Variants in TBXAS1 observed in about 807,000 individuals in gnomAD.
TBXAS1 encodes thromboxane-A synthase.
In TBXAS1, 48 loss-of-function variants were observed where a neutral mutation model predicts 60.7. The ratio of observed to expected loss-of-function variants is 0.79; its 90% confidence interval spans 0.63 to 1.01. The LOEUF (loss-of-function observed/expected upper bound fraction) is 1.01. Ranked by LOEUF, TBXAS1 falls within the 50% of genes least tolerant of loss-of-function variation. TBXAS1 has a pLI of 0.00. For missense variants in TBXAS1, 685 were observed against 686.3 expected, an observed-to-expected ratio of 1.00 and a Z score of 0.02; for synonymous variants, 287 against 269.7, an observed-to-expected ratio of 1.06 and a Z score of -0.63.
intron 4 of TBXAS1, among the ~76,000 whole-genome samples, chr7:139,803,764 G>T (rs1797776077): frequency 6.6e-5 from 10 of 152,196 alleles, no homozygotes. Context: ...TGGCTTCAGA[G>T]GGTGCAAGTC....
At chr7:139,850,029 C>T (rs1428727173) in intron 1 of TBXAS1, among the ~76,000 whole-genome samples, 5 of 152,194 alleles carry the variant, frequency 3.3e-5, no homozygotes, top group Admixed American at 3.3e-4. Context: ...TTATTTCTTG[C>T]CCTTCCGGAA....
In TBXAS1 at chr7:140,007,081, C is replaced by T. The variant is rs1814131861; in HGVS notation, c.1135-10C>T. On this transcript the variant is annotated splice_polypyrimidine_tract_variant and intron_variant, in intron 9 of 12. Coordinates refer to ENST00000448866, the MANE Select transcript of TBXAS1 (RefSeq NM_001061.7). The stretch of plus-strand genomic sequence containing the variant: ...ACGAACTTCTCCCTTTGTCACGACC[C>T]CTCCATCAGATGGCCCCTGAGTTCT... 1 of 1,613,514 alleles carries T rather than the reference C, an allele frequency of 6.2e-7. No homozygotes were observed. The highest frequency in any genetic ancestry group is 8.5e-7 in the Non-Finnish European group (1 of 1,179,542).
At chr7:139,833,509 C>CAAAAAAAAA (rs56291914) in intron 1 of TBXAS1, among the ~76,000 whole-genome samples, 6 of 74,412 alleles carry the variant, frequency 8.1e-5, no homozygotes, top group Admixed American at 3.6e-4. Context: ...ACTAAAAATA[C>CAAAAAAAAA]AAAAAAAAAA....
intron 5 of TBXAS1, among the ~76,000 whole-genome samples, chr7:139,943,329 T>C (rs1026290045): frequency 3.3e-5 from 5 of 152,206 alleles, no homozygotes; most frequent in Non-Finnish European, 5.9e-5. Flanking sequence ...CGAGAGACCA[T>C]TATCCTGAGA....
intron 3 of TBXAS1, among the ~76,000 whole-genome samples, chr7:139,885,613 A>G (rs1237349340): frequency 6.6e-6 from 1 of 152,208 alleles, no homozygotes; most frequent in Non-Finnish European, 1.5e-5. Context: ...TTCCTATTCT[A>G]TCTAAAAAGA....
chr7:140,011,168 AAG>A, intron 10 of TBXAS1, among the ~76,000 whole-genome samples: 1 of 151,756 alleles, frequency 6.6e-6, no homozygotes, highest in African/African-American at 2.4e-5. Flanking sequence ...TCCCAGCTAC[AAG>A]GGAGGCTAAG....
chr7:139,873,072 G>A lies in TBXAS1; in HGVS notation c.183+744G>A, dbSNP rs184259444. Among the ~76,000 whole-genome samples the A allele has an allele frequency of 9.2e-5, 14 of 152,288 alleles. No individual in the cohort carries two copies. In the East Asian group the frequency reaches 2.7e-3, roughly 29 times the overall value. ...TGTCAGAGGAGAGGGTGATCTGTCA[G>A]GGCTAAAATCATCCTAAGGAACTTC... is the stretch of plus-strand genomic sequence containing the variant. On this transcript the variant is annotated intron_variant, in intron 2 of 12. Coordinates refer to ENST00000448866, the MANE Select transcript of TBXAS1 (RefSeq NM_001061.7).
At chr7:139,913,379 G>A (rs1472420304) in intron 4 of TBXAS1, 6 of 505,722 alleles carry the variant, frequency 1.2e-5, no homozygotes, top group African/African-American at 1.9e-5. Flanking sequence ...CAAAGTGCAC[G>A]GACCACCAAG....
intron 9 of TBXAS1, among the ~76,000 whole-genome samples, chr7:139,998,187 A>C (rs1163909746): frequency 6.6e-6 from 1 of 152,222 alleles, no homozygotes; most frequent in Non-Finnish European, 1.5e-5. Flanking sequence ...CTCGTGTTAG[A>C]AGTCAAGACA....
At chr7:139,991,520 T>C (rs2117600793) in intron 9 of TBXAS1, among the ~76,000 whole-genome samples, 1 of 151,874 alleles carries the variant, frequency 6.6e-6, no homozygotes, top group East Asian at 1.9e-4. Flanking sequence ...AAGGGAGAGG[T>C]CATTTATGAA....
At chr7:139,846,682 G>A (rs1280546071) in intron 1 of TBXAS1, among the ~76,000 whole-genome samples, 1 of 152,224 alleles carries the variant, frequency 6.6e-6, no homozygotes, top group Admixed American at 6.5e-5. Context: ...AAAGTGAGGA[G>A]AGGCGTACTT....
chr7:139,947,309 C>A (rs1346426272), intron 5 of TBXAS1, among the ~76,000 whole-genome samples: 1 of 152,134 alleles, frequency 6.6e-6, no homozygotes, highest in African/African-American at 2.4e-5. Flanking sequence ...CTAACTAACA[C>A]AGGAACAGAA....
intron 4 of TBXAS1, among the ~76,000 whole-genome samples, chr7:139,806,672 CCTG>C (rs1298532902): frequency 1.3e-5 from 2 of 152,140 alleles, no homozygotes; most frequent in Non-Finnish European, 2.9e-5. Context: ...CTCTCTGTCT[CCTG>C]CTTCCTGAAA....
chr7:140,018,604 A>G (rs1815290017), intron 12 of TBXAS1, among the ~76,000 whole-genome samples: 1 of 152,102 alleles, frequency 6.6e-6, no homozygotes, highest in African/African-American at 2.4e-5. Flanking sequence ...ATTCCTCAAC[A>G]GGTCAGGGAG....
intron 9 of TBXAS1, among the ~76,000 whole-genome samples, chr7:139,966,259 A>C (rs149355131): frequency 2.6e-3 from 401 of 152,306 alleles, no homozygotes; most frequent in Non-Finnish European, 4.2e-3. Flanking sequence ...ATAGCAATGC[A>C]CCATGGGAAT....
intron 1 of TBXAS1, among the ~76,000 whole-genome samples, chr7:139,832,107 C>A (rs1798739644): frequency 6.6e-6 from 1 of 152,140 alleles, no homozygotes; most frequent in Non-Finnish European, 1.5e-5. Flanking sequence ...GACCCACAGA[C>A]CCTCTGAAGG....
At chr7:139,820,723 G>C (rs1312489784) in intron 4 of TBXAS1, among the ~76,000 whole-genome samples, 1 of 152,026 alleles carries the variant, frequency 6.6e-6, no homozygotes, top group Non-Finnish European at 1.5e-5. Flanking sequence ...TCCTGTGTAG[G>C]CCAGTCCTAC....
intron 4 of TBXAS1, among the ~76,000 whole-genome samples, chr7:139,790,864 G>A (rs1383950470): frequency 1.3e-5 from 2 of 152,204 alleles, no homozygotes; most frequent in African/African-American, 4.8e-5. Flanking sequence ...GTGCAGTGGT[G>A]CAATCTTGGT....
intron 3 of TBXAS1, among the ~76,000 whole-genome samples, chr7:139,786,810 C>T (rs540528520): frequency 6.6e-6 from 1 of 152,302 alleles, no homozygotes; most frequent in East Asian, 1.9e-4. Flanking sequence ...AAAGTGTCTC[C>T]TTTCTCATAA....
Sources: allele counts gnomAD v4.1 joint callset (sites outside exome capture counted in the v4.1 genomes callset), GRCh38; gene constraint gnomAD v4.1.1; transcripts MANE v1.5; gene names NCBI Gene and HGNC (gene_info 2026-07-23, HGNC 2026-07-21).